The following CALN1 variants were observed in gnomAD, a reference collection of about 807,000 sequenced individuals.
CALN1 encodes the protein calcium-binding protein 8.
A neutral mutation model predicts 30.6 loss-of-function variants in CALN1; 17 were observed. That is an observed-to-expected ratio of 0.56 (90% CI 0.38 to 0.83). The LOEUF is 0.83. CALN1 is among the 40% of genes least tolerant of loss of function. The pLI is 0.00. For synonymous variants in CALN1, 156 were observed against 131.4 expected, an observed-to-expected ratio of 1.19 and a Z score of -1.28; for missense variants, 291 against 354.9, an observed-to-expected ratio of 0.82 and a Z score of 1.45.
chr7:71,921,599 A>G (rs909510691), intron 5 of CALN1, among the ~76,000 whole-genome samples: 2 of 152,204 alleles, frequency 1.3e-5, no homozygotes, highest in East Asian at 3.9e-4. Flanking sequence ...GTGCCATAAT[A>G]TTCAGAATAA....
intron 5 of CALN1, among the ~76,000 whole-genome samples, chr7:71,970,516 T>C (rs922093958): frequency 2.0e-5 from 3 of 152,136 alleles, no homozygotes; most frequent in Admixed American, 2.0e-4. Context: ...ATTTTAGGCT[T>C]TGGCCGTTAA....
intron 1 of CALN1, among the ~76,000 whole-genome samples, chr7:72,404,371 TTAATC>T (rs2129562209): frequency 6.6e-6 from 1 of 152,266 alleles, no homozygotes; most frequent in African/African-American, 2.4e-5. Flanking sequence ...GAACACACAG[TTAATC>T]AATGTCAGTT....
At chr7:72,071,348 C>T (rs1397834704) in intron 4 of CALN1, among the ~76,000 whole-genome samples, 1 of 152,154 alleles carries the variant, frequency 6.6e-6, no homozygotes, top group Non-Finnish European at 1.5e-5. Context: ...AAGCTCCACC[C>T]CACCCCCAAC....
At chr7:72,338,470 A>AGTGTGTGT (rs56695086) in intron 2 of CALN1, among the ~76,000 whole-genome samples, 3,017 of 74,596 alleles carry the variant, frequency 0.04, 175 homozygotes, top group Middle Eastern at 0.075. Context: ...CCAGCAGCAC[A>AGTGTGTGT]GTGTGTGTGT....
chr7:71,958,811 C>G (rs1005270764), intron 5 of CALN1, among the ~76,000 whole-genome samples: 4 of 152,166 alleles, frequency 2.6e-5, no homozygotes, highest in Non-Finnish European at 5.9e-5. Context: ...GCAGCTCCTC[C>G]TGCACTGTGA....
At chr7:72,123,834 C>G (rs1163519224) in intron 3 of CALN1, among the ~76,000 whole-genome samples, 1 of 152,172 alleles carries the variant, frequency 6.6e-6, no homozygotes, top group Non-Finnish European at 1.5e-5. Flanking sequence ...ATTGCCGACT[C>G]TCTCATTTTG....
intron 5 of CALN1, among the ~76,000 whole-genome samples, chr7:71,987,461 C>T (rs945459339): frequency 2.6e-5 from 4 of 152,152 alleles, no homozygotes; most frequent in African/African-American, 4.8e-5. Flanking sequence ...ATGATGCAGG[C>T]ATTAGCTTCA....
At chr7:72,055,219 G>A (rs1803175871) in intron 4 of CALN1, among the ~76,000 whole-genome samples, 1 of 152,108 alleles carries the variant, frequency 6.6e-6, no homozygotes, top group Admixed American at 6.5e-5. Context: ...AATTTGCATG[G>A]GCCAGACCTG....
At chr7:72,183,631 T>C (rs545609074) in intron 3 of CALN1, among the ~76,000 whole-genome samples, 34 of 152,320 alleles carry the variant, frequency 2.2e-4, no homozygotes, top group African/African-American at 7.7e-4. Context: ...CAGTGCAAAT[T>C]GATTAAGAAT....
At position 72,137,244 on chromosome 7, in the gene CALN1, G is replaced by A. The variant is rs568198983; in HGVS notation, c.245-30950C>T. Among the ~76,000 whole-genome samples, 6 of 152,282 alleles carry A rather than the reference G, an allele frequency of 3.9e-5. No individual in the cohort carries two copies. In the East Asian group the frequency reaches 9.7e-4, roughly 25 times the overall value. On this transcript the variant is annotated intron_variant, in intron 3 of 6. Transcript: ENST00000395275. ...AGAGAGGGGTTTATCTTAGGGTTGGGATGTTTCTAGTTATGCTGACATTAG... is the reference window on the plus strand; with the variant it reads ...AGAGAGGGGTTTATCTTAGGGTTGGAATGTTTCTAGTTATGCTGACATTAG...
Position 71,914,166 on chromosome 7 carries a change from T to C in CALN1, c.502-103674A>G, listed in dbSNP as rs112262905. ...TTCATCACCTAGATATTAAGCCTAGTATACATTAATTATTTTTCCTGATCC... is the reference window on the plus strand; with the variant it reads ...TTCATCACCTAGATATTAAGCCTAGCATACATTAATTATTTTTCCTGATCC... On this transcript the variant is annotated intron_variant, in intron 5 of 6. Coordinates refer to ENST00000395275, the MANE Select transcript of CALN1 (RefSeq NM_031468.4). Among the ~76,000 whole-genome samples the C allele has an allele frequency of 8.8e-3, 1,339 of 152,248 alleles. 20 individuals are homozygous for C. The highest frequency in any genetic ancestry group is 0.03 in the African/African-American group (1,254 of 41,558).
chr7:72,364,295 A>C (rs1803746981), intron 2 of CALN1, among the ~76,000 whole-genome samples: 2 of 4,902 alleles, frequency 4.1e-4, no homozygotes, highest in Admixed American at 3.8e-3. Flanking sequence ...CAATTCTAAA[A>C]CTTGTAAGAT....
At chr7:72,013,514 C>A (rs844710) in intron 5 of CALN1, among the ~76,000 whole-genome samples, 43,956 of 151,710 alleles carry the variant, frequency 0.29, 10,089 homozygotes, top group African/African-American at 0.64. Flanking sequence ...AGCCTCCCAA[C>A]GTGTTGGAAT....
At chr7:71,829,869 G>A (rs1398617704) in intron 5 of CALN1, among the ~76,000 whole-genome samples, 2 of 152,124 alleles carry the variant, frequency 1.3e-5, no homozygotes, top group African/African-American at 4.8e-5. Context: ...ATTGCACATC[G>A]AAGAGGATGT....
chr7:72,136,760 T>C (rs1309657374), intron 3 of CALN1, among the ~76,000 whole-genome samples: 1 of 152,206 alleles, frequency 6.6e-6, no homozygotes. Context: ...GCATTACTAA[T>C]TGGCCTAATT....
intron 3 of CALN1, among the ~76,000 whole-genome samples, chr7:72,203,828 G>A (rs1051393170): frequency 6.6e-6 from 1 of 151,788 alleles, no homozygotes; most frequent in South Asian, 2.1e-4. Flanking sequence ...TTTTCTAAGT[G>A]CAAAAGTCAT....
chr7:72,098,244 G>A (rs1227221633), intron 4 of CALN1, among the ~76,000 whole-genome samples: 1 of 152,118 alleles, frequency 6.6e-6, no homozygotes, highest in East Asian at 1.9e-4. Flanking sequence ...ACTGGTGCTT[G>A]GTAAAAGTCA....
intron 3 of CALN1, among the ~76,000 whole-genome samples, chr7:72,168,874 C>A (rs1011646038): frequency 6.7e-6 from 1 of 148,620 alleles, no homozygotes; most frequent in Non-Finnish European, 1.5e-5. Flanking sequence ...GATGACACTG[C>A]GGCTCATTGC....
chr7:72,076,932 TA>T (rs1333494616), intron 4 of CALN1, among the ~76,000 whole-genome samples: 1 of 152,192 alleles, frequency 6.6e-6, no homozygotes, highest in Non-Finnish European at 1.5e-5. Flanking sequence ...TTTTATTTTT[TA>T]TTTTTTTTGA....
Sources: gnomAD v4.1 joint callset for allele counts (sites outside exome capture counted in the v4.1 genomes callset) on GRCh38, gnomAD v4.1.1 for gene constraint, MANE v1.5 for transcripts, NCBI Gene and HGNC (gene_info 2026-07-23, HGNC 2026-07-21) for gene names.